Variants in RBMS2 observed in about 807,000 individuals in gnomAD.
RBMS2 encodes the protein RNA binding motif single stranded interacting protein 2.
In RBMS2, 38 loss-of-function variants were observed where a neutral mutation model predicts 58.4. The ratio of observed to expected loss-of-function variants is 0.65; its 90% CI spans 0.50 to 0.85. The LOEUF is 0.85. Ranked by LOEUF, RBMS2 falls within the 40% of genes least tolerant of loss-of-function variation. The probability of loss-of-function intolerance (pLI) is 0.00; values close to 1 mark genes in which losing one functional copy is unlikely to be tolerated. For missense variants in RBMS2, 367 were observed against 503.7 expected (o/e 0.73, Z 2.60); for synonymous variants, 151 against 180.7 (o/e 0.84, Z 1.32).
chr12:56,562,624 TAGATTTGGTTTTG>T (rs1372132781), intron 2 of RBMS2, 41 bp downstream of exon 2: 1 of 1,583,886 alleles, frequency 6.3e-7, no homozygotes, highest in Non-Finnish European at 8.7e-7. Flanking sequence ...AGGGACAGTA[TAGATTTGGTTTTG>T]AGACAGGGTC....
chr12:56,531,902 T>C lies in RBMS2; in HGVS notation c.66+9813T>C, dbSNP rs573455122. ...TTATAATCACATATCAGCCTGTATA[T>C]TGGCTGTTTTTCTCTTATTTAAAAA... On this transcript the variant is annotated intron_variant, in intron 1 of 13. Coordinates refer to ENST00000262031, the MANE Select transcript of RBMS2 (RefSeq NM_002898.4). Among the ~76,000 whole-genome samples the C allele has an allele frequency of 2.0e-5, 3 of 152,024 alleles. No homozygotes were observed. In the East Asian group the frequency reaches 5.8e-4, roughly 29 times the overall value.
intron 8 of RBMS2, 34 bp downstream of exon 8, chr12:56,581,913 G>A (rs1243750222): frequency 3.1e-6 from 5 of 1,607,126 alleles, no homozygotes; most frequent in African/African-American, 2.7e-5. Flanking sequence ...ACCTGAAAAT[G>A]ATAATGGCCT....
intron 2 of RBMS2, among the ~76,000 whole-genome samples, chr12:56,567,257 C>T (rs1047293786): frequency 3.3e-5 from 5 of 150,708 alleles, no homozygotes; most frequent in Admixed American, 6.6e-5. Context: ...TGGTGGCAGG[C>T]GCCTGTAATC....
chr12:56,567,026 A>G (rs980132418), intron 2 of RBMS2, among the ~76,000 whole-genome samples: 7 of 152,168 alleles, frequency 4.6e-5, no homozygotes, highest in Non-Finnish European at 8.8e-5. Flanking sequence ...AGGATAGTAA[A>G]GCCACTAACC....
intron 1 of RBMS2, among the ~76,000 whole-genome samples, chr12:56,552,873 C>G (rs1260110272): frequency 6.8e-6 from 1 of 147,552 alleles, no homozygotes; most frequent in Non-Finnish European, 1.5e-5. Context: ...GCACCATATA[C>G]AACAAGTGCC....
chr12:56,523,216 C>T (rs1019153868), intron 1 of RBMS2, among the ~76,000 whole-genome samples: 1 of 152,014 alleles, frequency 6.6e-6, no homozygotes, highest in African/African-American at 2.4e-5. Flanking sequence ...AAATGGGGAG[C>T]TATAGGTCAG....
chr12:56,527,194 C>T (rs1872806284), intron 1 of RBMS2, among the ~76,000 whole-genome samples: 1 of 152,214 alleles, frequency 6.6e-6, no homozygotes, highest in African/African-American at 2.4e-5. Context: ...ATGTTTACTA[C>T]TTTTCCTTCT....
At chr12:56,522,236 T>C in intron 1 of RBMS2, 147 bp downstream of exon 1, 1 of 616,158 alleles carries the variant, frequency 1.6e-6, no homozygotes, top group Non-Finnish European at 2.7e-6. Flanking sequence ...CCTTTTCCAC[T>C]ACTGCTTTCT....
In RBMS2 at chr12:56,539,724, C is replaced by CAATG. The variant is rs773318779; in HGVS notation, c.66+17636_66+17639dup. 3.2e-4 allele frequency: 143 copies of CAATG among 449,878 alleles called. 1 individual carries two copies. Among genetic ancestry groups the CAATG allele is most frequent in the South Asian group, 2.2e-3 (140 of 63,326 alleles). The allele number at this position is 449,878 out of a possible 1,614,324, so 27.9% of individuals were successfully genotyped here. Reference sequence around the variant, plus strand: ...CGCTCTTGTTGCCCAGACTGGAGTGCAATGGCGTGATCTCGGCTCACTGCA... The same window carrying CAATG: ...CGCTCTTGTTGCCCAGACTGGAGTGCAATGAATGGCGTGATCTCGGCTCACTGCA... On this transcript the variant is annotated intron_variant, in intron 1 of 13. Transcript: ENST00000262031.
intron 9 of RBMS2, among the ~76,000 whole-genome samples, chr12:56,586,623 T>C (rs1315196220): frequency 6.6e-6 from 1 of 151,998 alleles, no homozygotes; most frequent in East Asian, 1.9e-4. Context: ...TGGAGTGCAG[T>C]GTCAGAATCA....
At chr12:56,522,550 A>G (rs1197547318) in intron 1 of RBMS2, among the ~76,000 whole-genome samples, 1 of 152,170 alleles carries the variant, frequency 6.6e-6, no homozygotes, top group Non-Finnish European at 1.5e-5. Context: ...ATAGATAGTC[A>G]GAGAAACCAC....
chr12:56,532,131 A>T (rs1029076795), intron 1 of RBMS2, among the ~76,000 whole-genome samples: 1 of 152,078 alleles, frequency 6.6e-6, no homozygotes, highest in African/African-American at 2.4e-5. Context: ...AGCCAGGAGA[A>T]TCGCTTGAAC....
At chr12:56,587,003 C>A (rs529361524) in intron 10 of RBMS2, 77 bp downstream of exon 10, 3 of 1,418,148 alleles carry the variant, frequency 2.1e-6, no homozygotes, top group East Asian at 2.3e-5. Context: ...CTGTGGCTCA[C>A]GCCTGTAATC....
At chr12:56,556,955 C>G (rs1213469321) in intron 1 of RBMS2, among the ~76,000 whole-genome samples, 1 of 152,124 alleles carries the variant, frequency 6.6e-6, no homozygotes, top group East Asian at 1.9e-4. Context: ...TTACAGTCAG[C>G]AAAAACACTG....
intron 9 of RBMS2, among the ~76,000 whole-genome samples, chr12:56,585,569 C>G (rs1298957652): frequency 6.6e-6 from 1 of 152,186 alleles, no homozygotes; most frequent in Admixed American, 6.5e-5. Context: ...ATCAGTACTT[C>G]ATTCTTTTTA....
At chr12:56,573,981 C>T (rs1882753103) in intron 5 of RBMS2, among the ~76,000 whole-genome samples, 2 of 152,142 alleles carry the variant, frequency 1.3e-5, no homozygotes, top group South Asian at 2.1e-4. Context: ...ACTGGGATTA[C>T]AGGCGCCCGC....
Position 56,589,183 on chromosome 12 carries a change from G to A in RBMS2, c.*50G>A. ...TACTGAATAGAAATGAATTCTTGGAGATACTCATGCTCCCAGATTCCAGAG... is the reference window on the plus strand; with the variant it reads ...TACTGAATAGAAATGAATTCTTGGAAATACTCATGCTCCCAGATTCCAGAG... On this transcript the variant is annotated 3_prime_UTR_variant, in exon 14 of 14. Transcript: ENST00000262031. 2.6e-6 allele frequency: 4 copies of A among 1,532,334 alleles called. No individual in the cohort carries two copies. Among genetic ancestry groups the A allele is most frequent in the Non-Finnish European group, 3.5e-6 (4 of 1,137,034 alleles). 94.9% of individuals were successfully genotyped at this position (1,532,334 alleles called of 1,614,324 possible).
chr12:56,566,783 A>C (rs977418330), intron 2 of RBMS2, among the ~76,000 whole-genome samples: 3 of 152,160 alleles, frequency 2.0e-5, no homozygotes, highest in African/African-American at 7.2e-5. Flanking sequence ...ACGCCACTGC[A>C]CTCCAGCCTG....
chr12:56,577,951 G>A (rs1883380604), intron 5 of RBMS2, among the ~76,000 whole-genome samples: 1 of 151,878 alleles, frequency 6.6e-6, no homozygotes, highest in African/African-American at 2.4e-5. Flanking sequence ...GCCTCCCAGA[G>A]TGCTAGGATT....
Sources: allele counts gnomAD v4.1 joint callset (sites outside exome capture counted in the v4.1 genomes callset), GRCh38; gene constraint gnomAD v4.1.1; transcripts MANE v1.5; gene names NCBI Gene and HGNC (gene_info 2026-07-23, HGNC 2026-07-21).